Variants in ANKS1B observed in about 807,000 individuals in gnomAD.
ANKS1B encodes the protein ankyrin repeat and sterile alpha motif domain-containing protein 1B.
In ANKS1B, 36 loss-of-function variants were observed where a neutral mutation model predicts 148.3. That is an observed-to-expected ratio of 0.24 (90% CI 0.19 to 0.32). ANKS1B has a LOEUF of 0.32. ANKS1B is among the 10% of genes least tolerant of loss of function. ANKS1B has a pLI of 1.00. For missense variants in ANKS1B, 1,157 were observed against 1,542.6 expected (o/e 0.75, Z 4.19); for synonymous variants, 542 against 560.8 (o/e 0.97, Z 0.47).
intron 8 of ANKS1B, among the ~76,000 whole-genome samples, chr12:99,742,182 A>G (rs1246016373): frequency 2.6e-5 from 4 of 151,976 alleles, no homozygotes; most frequent in African/African-American, 9.7e-5. Flanking sequence ...GTGATAAAAT[A>G]ATATGTACAA....
intron 4 of ANKS1B, among the ~76,000 whole-genome samples, chr12:99,805,615 C>T (rs1056418531): frequency 6.6e-6 from 1 of 152,044 alleles, no homozygotes; most frequent in Non-Finnish European, 1.5e-5. Context: ...GCCTGGGCAA[C>T]AGAGCAAGAC....
At chr12:98,888,704 C>A (rs191720650) in intron 17 of ANKS1B, among the ~76,000 whole-genome samples, 2 of 152,310 alleles carry the variant, frequency 1.3e-5, no homozygotes, top group Admixed American at 1.3e-4. Context: ...TAGCTGGTTC[C>A]TTCTATTCAG....
chr12:99,655,203 G>A lies in ANKS1B; in HGVS notation c.1136C>T (p.Ser379Leu). 6.2e-7 allele frequency: 1 copy of A among 1,605,472 alleles called. No homozygotes were observed. Among genetic ancestry groups the A allele is most frequent in the Non-Finnish European group, 8.5e-7 (1 of 1,175,168 alleles). Residue 379 changes from serine to leucine, a missense_variant, in exon 9 of 27, where the codon TCA (serine) becomes TTA (leucine). Ser to Leu is a moderately radical substitution (Grantham distance 145). Transcript: ENST00000683438. ...TCCTGGTGACAAATTGATTGTAGAT[G>A]AGGTTCTCTGAAATTAAATTTATAT... is the stretch of plus-strand genomic sequence containing the variant. ...GKNGSQSVRT[S>L]STINLSPGEV...
intron 17 of ANKS1B, among the ~76,000 whole-genome samples, chr12:98,845,977 TATACACAC>T (rs1353828278): frequency 2.1e-4 from 13 of 62,658 alleles, no homozygotes; most frequent in East Asian, 1.6e-3. Context: ...TATATATATA[TATACACAC>T]ACACACACAC....
intron 15 of ANKS1B, among the ~76,000 whole-genome samples, chr12:99,127,462 GA>G (rs1238389530): frequency 1.3e-5 from 2 of 151,898 alleles, no homozygotes; most frequent in Admixed American, 6.6e-5. Context: ...TTTCCAGTGG[GA>G]AAAAAAACTT....
chr12:98,839,715 C>A (rs938040880), intron 17 of ANKS1B, among the ~76,000 whole-genome samples: 2 of 152,164 alleles, frequency 1.3e-5, no homozygotes, highest in African/African-American at 4.8e-5. Flanking sequence ...TATTTCTTTG[C>A]TCCATGTATA....
chr12:99,518,189 T>A (rs2096841010), intron 9 of ANKS1B, among the ~76,000 whole-genome samples: 1 of 152,082 alleles, frequency 6.6e-6, no homozygotes, highest in Non-Finnish European at 1.5e-5. Context: ...TTTTTATGGG[T>A]CTTTGTCTGG....
intron 5 of ANKS1B, among the ~76,000 whole-genome samples, chr12:99,780,886 G>T (rs1335093373): frequency 6.6e-6 from 1 of 152,132 alleles, no homozygotes; most frequent in East Asian, 1.9e-4. Context: ...ATGCAAGATT[G>T]TATTTGTCAG....
chr12:99,870,563 C>G (rs970870161), intron 1 of ANKS1B, among the ~76,000 whole-genome samples: 3 of 152,108 alleles, frequency 2.0e-5, no homozygotes, highest in African/African-American at 7.2e-5. Flanking sequence ...GTAAGTGTTC[C>G]CTTTTCTCCA....
chr12:99,296,445 T>C (rs2638557), intron 12 of ANKS1B, among the ~76,000 whole-genome samples: 13,601 of 152,284 alleles, frequency 0.089, 778 homozygotes, highest in Non-Finnish European at 0.13. Context: ...ATTTTGTTCA[T>C]TGGTTCATTT....
rs147266439 is a variant in ANKS1B, at chr12:99,844,780, A to G, written c.135-19391T>C. Among the ~76,000 whole-genome samples, 1,182 of 152,236 alleles carry G rather than the reference A, an allele frequency of 7.8e-3. 16 individuals carry two copies. Among genetic ancestry groups the G allele is most frequent in the African/African-American group, 0.027 (1,114 of 41,536 alleles). On this transcript the variant is annotated intron_variant, in intron 1 of 26. Transcript: ENST00000683438. ...TTTTCTAATTCTATGAAGAATGTCA[A>G]TGGTAGTTTAATAGGAATGGCATTG...
At chr12:99,048,088 A>T (rs1312055166) in intron 17 of ANKS1B, among the ~76,000 whole-genome samples, 4 of 152,226 alleles carry the variant, frequency 2.6e-5, no homozygotes, top group African/African-American at 9.6e-5. Flanking sequence ...AGGTGGAGGC[A>T]GAGGCTGGAA....
At chr12:98,740,407 G>A (rs1032936549), downstream of ANKS1B, among the ~76,000 whole-genome samples, 2 of 152,122 alleles carry the variant, frequency 1.3e-5, no homozygotes, top group Admixed American at 6.5e-5. Flanking sequence ...GCCCCTTTGT[G>A]CCTGCTCTGC....
chr12:99,519,145 G>T (rs756158509), intron 9 of ANKS1B, among the ~76,000 whole-genome samples: 4 of 152,052 alleles, frequency 2.6e-5, no homozygotes, highest in Non-Finnish European at 5.9e-5. Context: ...CTAACATATG[G>T]CCTATCCTTG....
rs555599383 is a variant in ANKS1B, at chr12:98,785,017, ATCT to A, written c.3343-2883_3343-2881del. On this transcript the variant is annotated intron_variant, in intron 22 of 26. Transcript: ENST00000683438. ...AGAGAGTTCAAAGGGAGGGTGGGAA[ATCT>A]TCTGGGTAGAGCCCCTCCTTGAAGG... Among the ~76,000 whole-genome samples the A allele has an allele frequency of 4.9e-4, 74 of 152,308 alleles. 1 individual carries two copies. Among genetic ancestry groups the A allele is most frequent in the African/African-American group, 1.5e-3 (63 of 41,568 alleles).
In ANKS1B at chr12:99,408,790, T is replaced by C. The variant is rs1048829616; in HGVS notation, c.1576-8979A>G. Among the ~76,000 whole-genome samples the C allele has an allele frequency of 7.5e-5, 11 of 145,952 alleles. 1 individual carries two copies. Among genetic ancestry groups the C allele is most frequent in the African/African-American group, 2.9e-4 (11 of 38,450 alleles). On this transcript the variant is annotated intron_variant, in intron 11 of 26. Coordinates refer to ENST00000683438, the MANE Select transcript of ANKS1B (RefSeq NM_001352186.2). Reference sequence around the variant, plus strand: ...TCATATGAGAAATGCAAATTACAACTACAAGGAAATATCACCTCACCCCAG... The same window carrying C: ...TCATATGAGAAATGCAAATTACAACCACAAGGAAATATCACCTCACCCCAG...
Position 98,870,497 on chromosome 12 carries a change from T to C in ANKS1B, c.2779-38361A>G, listed in dbSNP as rs111439161. 8.0e-3 allele frequency among the ~76,000 whole-genome samples: 1,213 copies of C among 152,362 alleles called. 10 individuals are homozygous for C. Among genetic ancestry groups the C allele is most frequent in the African/African-American group, 0.028 (1,159 of 41,582 alleles). ...CCTCACCCTTTTCTTTTCTTTGCTATTTAAATAAACCACCACTTTCAGGCC... is the reference window on the plus strand; with the variant it reads ...CCTCACCCTTTTCTTTTCTTTGCTACTTAAATAAACCACCACTTTCAGGCC... On this transcript the variant is annotated intron_variant, in intron 17 of 26. Transcript: ENST00000683438.
chr12:99,319,668 C>T (rs1326183791), intron 12 of ANKS1B, among the ~76,000 whole-genome samples: 1 of 152,114 alleles, frequency 6.6e-6, no homozygotes, highest in Non-Finnish European at 1.5e-5. Context: ...AGCATTTAGC[C>T]CATTTACATT....
chr12:99,243,811 G>A (rs2089793272), intron 14 of ANKS1B, among the ~76,000 whole-genome samples: 1 of 151,754 alleles, frequency 6.6e-6, no homozygotes, highest in Non-Finnish European at 1.5e-5. Context: ...TCACTCATAA[G>A]TGAACAATGA....
Sources: allele counts gnomAD v4.1 joint callset (sites outside exome capture counted in the v4.1 genomes callset), GRCh38; gene constraint gnomAD v4.1.1; transcripts MANE v1.5; gene names NCBI Gene and HGNC (gene_info 2026-07-23, HGNC 2026-07-21).